The following MYT1 variants were observed in gnomAD, a reference collection of about 807,000 sequenced individuals.
The protein encoded by MYT1 is myelin transcription factor I.
In MYT1, 23 loss-of-function variants were observed where a neutral mutation model predicts 123.0. The ratio of observed to expected loss-of-function variants is 0.19; its 90% CI spans 0.13 to 0.26. The LOEUF is 0.26. Among genes scored for constraint, MYT1 ranks in the 10% least tolerant of loss-of-function variants. The pLI is 1.00. For synonymous variants in MYT1, 518 were observed against 575.3 expected, an observed-to-expected ratio of 0.90 and a Z score of 1.43; for missense variants, 1,125 against 1,472.5, an observed-to-expected ratio of 0.76 and a Z score of 3.86.
chr20:64,224,242 C>T (rs1399053769), intron 16 of MYT1, among the ~76,000 whole-genome samples: 1 of 152,212 alleles, frequency 6.6e-6, no homozygotes, highest in Non-Finnish European at 1.5e-5. Context: ...CCCTCCCTCC[C>T]ATAGGCCTCT....
chr20:64,206,480 C>T (rs1415247994), intron 6 of MYT1, among the ~76,000 whole-genome samples: 1 of 152,120 alleles, frequency 6.6e-6, no homozygotes, highest in African/African-American at 2.4e-5. Flanking sequence ...GGGTCTGTGC[C>T]CCTGAGAGCC....
At chr20:64,187,349 CTGTGGCCCCGG>C (rs1982840947) in intron 1 of MYT1, among the ~76,000 whole-genome samples, 1 of 143,832 alleles carries the variant, frequency 7.0e-6, no homozygotes, top group African/African-American at 2.6e-5. Context: ...TTCCTGTAGC[CTGTGGCCCCGG>C]CATCCACGTT....
Position 64,186,924 on chromosome 20 carries a change from G to A in MYT1, c.-98-3139G>A, listed in dbSNP as rs1004742391. 2.9e-4 allele frequency among the ~76,000 whole-genome samples: 43 copies of A among 147,452 alleles called. No individual in the cohort carries two copies. Among genetic ancestry groups the A allele is most frequent in the African/African-American group, 9.9e-4 (39 of 39,488 alleles). ...CCGTGGCCCCGGCATCCATGTTTCC[G>A]TGGAGAGTTTTCCTGTAGCACGTGG... On this transcript the variant is annotated intron_variant, in intron 1 of 22. Coordinates refer to ENST00000328439, the MANE Select transcript of MYT1 (RefSeq NM_004535.3). The surrounding 1 kb of genome is among the most constrained non-coding windows in gnomAD (Gnocchi z 4.3).
intron 14 of MYT1, among the ~76,000 whole-genome samples, chr20:64,222,761 G>T (rs1020469169): frequency 1.3e-5 from 2 of 152,218 alleles, no homozygotes; most frequent in Non-Finnish European, 2.9e-5. Flanking sequence ...TCCTGGGAGT[G>T]GCTGGATCCA....
Position 64,233,209 on chromosome 20 carries a change from A to C in MYT1, c.2897+824A>C, listed in dbSNP as rs1445288881. Among the ~76,000 whole-genome samples the C allele has an allele frequency of 1.6e-3, 72 of 46,414 alleles. No homozygotes were observed. The East Asian group carries it at 0.018, about 12-fold the overall frequency. The allele number at this position is 46,414 out of a possible 152,430, so 30.4% of individuals were successfully genotyped here. A position where few individuals can be genotyped will look rare whatever the true frequency, so the allele number is the denominator to read the frequency against. ...CCTTTCCTCCCCTCTCCCTTCCCCTATCCCTCCCCCTTTCCTTCTTTCCCC... is the reference window on the plus strand; with the variant it reads ...CCTTTCCTCCCCTCTCCCTTCCCCTCTCCCTCCCCCTTTCCTTCTTTCCCC... On this transcript the variant is annotated intron_variant, in intron 19 of 22. Transcript: ENST00000328439.
rs1433001254 is a variant in MYT1 at position 64,196,719 on chromosome 20, C to A, written c.1-2143C>A. ...TCAGCAGAAGGAGCGGCAGAGCTGT[C>A]AGCTTCATCAACGGGAGCTCACAGT... On this transcript the variant is annotated intron_variant, in intron 2 of 22. Coordinates refer to ENST00000328439, the MANE Select transcript of MYT1 (RefSeq NM_004535.3). This position sits in a 1 kb window ranked among gnomAD's most constrained non-coding sequence, Gnocchi z 4.3. Among the ~76,000 whole-genome samples, 5 of 151,924 alleles carry A rather than the reference C, an allele frequency of 3.3e-5. No homozygotes were observed. The highest frequency in any genetic ancestry group is 2.9e-5 in the Non-Finnish European group (2 of 68,038).
At position 64,218,372 on chromosome 20, in the gene MYT1, A is replaced by C. The variant is rs779156513; in HGVS notation, c.1847-539A>C. ...TTCATTTGTCATGTTCATTTGAGCA[A>C]TAATGTTACTTTTTTAAGGCAGTGA... On this transcript the variant is annotated intron_variant, in intron 11 of 22. Transcript: ENST00000328439. This position sits in a 1 kb window ranked among gnomAD's most constrained non-coding sequence, Gnocchi z 4.0. Among the ~76,000 whole-genome samples, 11 of 152,214 alleles carry C rather than the reference A, an allele frequency of 7.2e-5. No individual in the cohort carries two copies. The highest frequency in any genetic ancestry group is 1.3e-4 in the Non-Finnish European group (9 of 68,038).
chr20:64,205,086 C>CA lies in MYT1; in HGVS notation c.139dup (p.Arg47LysfsTer20). 1 of 1,614,074 alleles carries CA rather than the reference C, an allele frequency of 6.2e-7. No homozygotes were observed. Among genetic ancestry groups the CA allele is most frequent in the Non-Finnish European group, 8.5e-7 (1 of 1,180,022 alleles). On this transcript the variant is annotated frameshift_variant, in exon 5 of 23. Coordinates refer to ENST00000328439, the MANE Select transcript of MYT1 (RefSeq NM_004535.3). LOFTEE classifies it high-confidence loss of function. ...CAGGGCACGTCCGGGGCAAGTACTC[C>CA]AGGCACCGAAGGTAAGAGGACCCTT...
chr20:64,164,598 G>A lies in MYT1; in HGVS notation c.-240G>A, dbSNP rs931898881. 6.6e-6 allele frequency: 1 copy of A among 152,126 alleles called. No homozygotes were observed. The highest frequency in any genetic ancestry group is 2.4e-5 in the African/African-American group (1 of 41,416). 9.4% of individuals were successfully genotyped at this position (152,126 alleles called of 1,614,324 possible). A position where few individuals can be genotyped will look rare whatever the true frequency, so the allele number is the denominator to read the frequency against. Reference sequence around the variant, plus strand: ...ATATTTAATTGAAACCCGCACGCAGGCTTCCCCACATGTGACCGCTGTACG... The same window carrying A: ...ATATTTAATTGAAACCCGCACGCAGACTTCCCCACATGTGACCGCTGTACG... On this transcript the variant is annotated 5_prime_UTR_variant, in exon 1 of 23. Transcript: ENST00000328439.
rs1409204057 is a variant in MYT1 at position 64,177,541 on chromosome 20, CGGGGACAAGAGGGCACCCCTCTCCAGGGT to C, written c.-98-12493_-98-12465del. On this transcript the variant is annotated intron_variant, in intron 1 of 22. Coordinates refer to ENST00000328439, the MANE Select transcript of MYT1 (RefSeq NM_004535.3). ...TGTGGAGAGGAAGAGGCCCTCGGGGCGGGGACAAGAGGGCACCCCTCTCCAGGGTGGGGACAAGAGGGCACCCCTCTCCA... is the reference window on the plus strand; with the variant it reads ...TGTGGAGAGGAAGAGGCCCTCGGGGCGGGGACAAGAGGGCACCCCTCTCCA... Among the ~76,000 whole-genome samples the C allele has an allele frequency of 1.5e-3, 226 of 148,432 alleles. 1 individual carries two copies. Among genetic ancestry groups the C allele is most frequent in the African/African-American group, 3.8e-3 (154 of 40,454 alleles).
At chr20:64,169,863 G>A (rs944968771) in intron 1 of MYT1, among the ~76,000 whole-genome samples, 1 of 152,220 alleles carries the variant, frequency 6.6e-6, no homozygotes. Context: ...AACGTGTTCT[G>A]TACTGGACAC....
intron 1 of MYT1, among the ~76,000 whole-genome samples, chr20:64,170,379 G>C (rs367848192): frequency 1.3e-5 from 2 of 152,122 alleles, no homozygotes; most frequent in East Asian, 1.9e-4. Flanking sequence ...GGGGGCTGCT[G>C]GGCCTGAGGA....
Position 64,218,868 on chromosome 20 carries a change from C to G in MYT1, c.1847-43C>G, listed in dbSNP as rs750404537. 6.2e-7 allele frequency: 1 copy of G among 1,612,280 alleles called. No homozygotes were observed. Among genetic ancestry groups the G allele is most frequent in the Non-Finnish European group, 8.5e-7 (1 of 1,179,900 alleles). On this transcript the variant is annotated intron_variant, in intron 11 of 22. Coordinates refer to ENST00000328439, the MANE Select transcript of MYT1 (RefSeq NM_004535.3). The surrounding 1 kb of genome is among the most constrained non-coding windows in gnomAD (Gnocchi z 4.0). ...AAAGGCCTCTTCCCCCAGGCACAGC[C>G]CCTCCAGTAGTTATGTGAGGAGCAC...
At position 64,207,794 on chromosome 20, in the gene MYT1, G is replaced by A. The variant is rs1366167781; in HGVS notation, c.598G>A (p.Glu200Lys). The A allele has an allele frequency of 6.2e-7, 1 of 1,613,938 alleles. No homozygotes were observed. The highest frequency in any genetic ancestry group is 1.7e-5 in the Admixed American group (1 of 60,022). Residue 200 changes from glutamate (E) to lysine (K), a missense_variant, in exon 7 of 23, where the codon GAG (glutamate) becomes AAG (lysine). By Grantham distance (56) the Glu-to-Lys change is moderately conservative. Around this residue, in one of 4 missense-constraint regions of MYT1, gnomAD observed 406 missense variants for 432.2 expected, o/e 0.94. Coordinates refer to ENST00000328439, the MANE Select transcript of MYT1 (RefSeq NM_004535.3). ...TCCTGGCATTGTGCACCTGCTTCAG[G>A]AGGCTGCAGAGGGAGCTGCCAGCGA... ...PGPGIVHLLQ[E>K]AAEGAASEEG...
intron 7 of MYT1, among the ~76,000 whole-genome samples, chr20:64,209,654 G>A (rs1490166642): frequency 6.6e-6 from 1 of 152,162 alleles, no homozygotes; most frequent in African/African-American, 2.4e-5. Context: ...AAAAATGCAG[G>A]AGACACGGAA....
At chr20:64,177,742 G>A (rs1012984415) in intron 1 of MYT1, among the ~76,000 whole-genome samples, 1 of 150,650 alleles carries the variant, frequency 6.6e-6, no homozygotes, top group Non-Finnish European at 1.5e-5. Context: ...AGGGGCAAAT[G>A]TGGGGGGTCC....
intron 16 of MYT1, among the ~76,000 whole-genome samples, chr20:64,223,796 C>T (rs1346166878): frequency 2.6e-5 from 4 of 152,166 alleles, no homozygotes; most frequent in Non-Finnish European, 4.4e-5. Context: ...ATGAACTGAA[C>T]GCTGATAATG....
chr20:64,198,633 G>A (rs1321800522), intron 2 of MYT1, among the ~76,000 whole-genome samples: 1 of 152,244 alleles, frequency 6.6e-6, no homozygotes, highest in Non-Finnish European at 1.5e-5. Flanking sequence ...GGGACATGCT[G>A]ATGGGACACT....
chr20:64,225,284 C>T (rs2009309), intron 16 of MYT1, among the ~76,000 whole-genome samples: 68,447 of 152,156 alleles, frequency 0.45, 17,089 homozygotes, highest in African/African-American at 0.66. Context: ...TGATCAGCCT[C>T]GTGGCAGCCA....
Sources: allele counts gnomAD v4.1 joint callset (sites outside exome capture counted in the v4.1 genomes callset), GRCh38; gene constraint gnomAD v4.1.1; regional missense constraint gnomAD v4.1.1; non-coding constraint Gnocchi (gnomAD v3.1); transcripts MANE v1.5; gene names NCBI Gene and HGNC (gene_info 2026-07-23, HGNC 2026-07-21).